ARID4B: variants seen among roughly 807,000 people sequenced by gnomAD.
The protein encoded by ARID4B is AT-rich interaction domain 4B.
ARID4B carries 26 observed loss-of-function variants against 147.5 expected under a neutral mutation model. The observed-to-expected ratio is 0.18, with a 90% confidence interval of 0.13 to 0.24. ARID4B has a LOEUF of 0.24. ARID4B is among the 10% of genes least tolerant of loss of function. The pLI, the probability that ARID4B is intolerant of heterozygous loss-of-function variation, is 1.00. For missense variants in ARID4B, 1,179 were observed against 1,511.5 expected (o/e 0.78, Z 3.65); for synonymous variants, 512 against 507.9 (o/e 1.01, Z -0.11).
intron 6 of ARID4B, among the ~76,000 whole-genome samples, chr1:235,250,710 T>A (rs1669591108): frequency 6.6e-6 from 1 of 152,188 alleles, no homozygotes; most frequent in Non-Finnish European, 1.5e-5. Flanking sequence ...ACACCAGTAT[T>A]CTAATTTCCT....
chr1:235,294,449 T>C (rs531704717), intron 2 of ARID4B, among the ~76,000 whole-genome samples: 52 of 92,986 alleles, frequency 5.6e-4, no homozygotes, highest in African/African-American at 2.1e-3. Context: ...GTTCAAGCAA[T>C]TCTCCCGCTT....
At chr1:235,327,086 C>T in intron 1 of ARID4B, 118 bp from the exon 2 acceptor site, 2 of 700,048 alleles carry the variant, frequency 2.9e-6, no homozygotes, top group Non-Finnish European at 4.9e-6. Flanking sequence ...CAACCAGGCG[C>T]CAGCCCCCGA....
rs990766769 is a variant in ARID4B, at chr1:235,193,884, G to A, written c.2125+129C>T. On this transcript the variant is annotated intron_variant, in intron 19 of 23. Coordinates refer to ENST00000264183, the MANE Select transcript of ARID4B (RefSeq NM_016374.6). ...ATTTCAGTTAAGAGATATTCAACCT[G>A]TAATAAGAGAGCAAACAAAACTCTG... 2.0e-5 allele frequency: 13 copies of A among 643,916 alleles called. No individual in the cohort carries two copies. The African/African-American group carries it at 2.2e-4, about 11-fold the overall frequency. The allele number at this position is 643,916 out of a possible 1,614,324, so 39.9% of individuals were successfully genotyped here. A position where few individuals can be genotyped will look rare whatever the true frequency, so the allele number is the denominator to read the frequency against.
intron 19 of ARID4B, 126 bp from the exon 20 acceptor site, chr1:235,182,919 T>C: frequency 1.3e-6 from 1 of 792,646 alleles, no homozygotes; most frequent in East Asian, 2.8e-5. Flanking sequence ...CTTTTATCTC[T>C]ATGTAACATG....
At chr1:235,213,667 T>C (rs1319293500) in intron 17 of ARID4B, 102 bp downstream of exon 17, 2 of 1,297,392 alleles carry the variant, frequency 1.5e-6, no homozygotes, top group Non-Finnish European at 1.0e-6. Context: ...ATGACCTCAA[T>C]TAGAATACTA....
intron 6 of ARID4B, 84 bp downstream of exon 6, chr1:235,252,646 A>C: frequency 9.4e-7 from 1 of 1,066,722 alleles, no homozygotes; most frequent in Non-Finnish European, 1.4e-6. Flanking sequence ...ATTAGGAAGT[A>C]GGTTTACTGA....
At chr1:235,327,155 C>T (rs1055295515) in intron 1 of ARID4B, 187 bp from the exon 2 acceptor site, 2 of 546,748 alleles carry the variant, frequency 3.7e-6, no homozygotes, top group Non-Finnish European at 6.6e-6. Context: ...AACCCAACCA[C>T]CTACACAGCT....
At chr1:235,295,485 G>A (rs1438265829) in intron 2 of ARID4B, among the ~76,000 whole-genome samples, 1 of 150,136 alleles carries the variant, frequency 6.7e-6, no homozygotes, top group African/African-American at 2.5e-5. Context: ...ACTCTAGCCT[G>A]CGGGGGGACA....
chr1:235,176,999 T>C (rs1663932266), intron 21 of ARID4B: 1 of 462,956 alleles, frequency 2.2e-6, no homozygotes, highest in Non-Finnish European at 4.5e-6. Flanking sequence ...GTATATATAT[T>C]TTCTGTGGAT....
chr1:235,297,131 G>A (rs1016754038), intron 2 of ARID4B, among the ~76,000 whole-genome samples: 1 of 152,074 alleles, frequency 6.6e-6, no homozygotes, highest in Non-Finnish European at 1.5e-5. Context: ...CAGAAAGAGA[G>A]TAAGTTATTG....
chr1:235,294,441 TC>T, intron 2 of ARID4B, among the ~76,000 whole-genome samples: 1 of 107,612 alleles, frequency 9.3e-6, no homozygotes, highest in Non-Finnish European at 1.9e-5. Flanking sequence ...ACCCAGGGGT[TC>T]AAGCAATTCT....
intron 6 of ARID4B, among the ~76,000 whole-genome samples, chr1:235,248,071 C>G (rs1669415266): frequency 6.6e-6 from 1 of 152,086 alleles, no homozygotes; most frequent in South Asian, 2.1e-4. Flanking sequence ...TTTATTGAGA[C>G]AGAATGTCAC....
At chr1:235,270,021 C>T (rs556754059) in intron 2 of ARID4B, among the ~76,000 whole-genome samples, 6 of 152,210 alleles carry the variant, frequency 3.9e-5, no homozygotes, top group East Asian at 3.9e-4. Context: ...CGGTGCCTCA[C>T]GCCTGTAATC....
At chr1:235,242,946 T>C (rs189603143) in intron 7 of ARID4B, among the ~76,000 whole-genome samples, 15 of 152,284 alleles carry the variant, frequency 9.9e-5, no homozygotes, top group Admixed American at 6.5e-4. Flanking sequence ...TTCCACAGCA[T>C]TCACTTTTAT....
intron 13 of ARID4B, among the ~76,000 whole-genome samples, chr1:235,222,414 G>C (rs902061779): frequency 6.6e-6 from 1 of 152,004 alleles, no homozygotes; most frequent in Non-Finnish European, 1.5e-5. Flanking sequence ...GATAAGTATC[G>C]TACATCACGT....
chr1:235,325,490 G>A (rs1401454308), intron 2 of ARID4B, among the ~76,000 whole-genome samples: 7 of 152,080 alleles, frequency 4.6e-5, no homozygotes, highest in Admixed American at 4.6e-4. Context: ...ACAACACTGG[G>A]AAATGTGACA....
chr1:235,176,837 G>A (rs1338721445), intron 21 of ARID4B: 1 of 470,654 alleles, frequency 2.1e-6, no homozygotes, highest in Non-Finnish European at 4.4e-6. Flanking sequence ...CCGGCTGCTA[G>A]CAAAGGTCAG....
chr1:235,229,083 G>A, intron 11 of ARID4B, 148 bp downstream of exon 11: 2 of 935,348 alleles, frequency 2.1e-6, no homozygotes, highest in South Asian at 3.7e-5. Flanking sequence ...TAAACTATCT[G>A]ATTATGAGGA....
chr1:235,202,612 C>T (rs957991182), intron 17 of ARID4B, among the ~76,000 whole-genome samples: 1 of 150,738 alleles, frequency 6.6e-6, no homozygotes, highest in Non-Finnish European at 1.5e-5. Flanking sequence ...TGCAATGGTG[C>T]GATCTCAGCT....
Sources: allele counts gnomAD v4.1 joint callset (sites outside exome capture counted in the v4.1 genomes callset), GRCh38; gene constraint gnomAD v4.1.1; transcripts MANE v1.5; gene names NCBI Gene and HGNC (gene_info 2026-07-23, HGNC 2026-07-21).